The following KEL variants were observed in gnomAD, a reference collection of about 807,000 sequenced individuals.
KEL encodes the protein kell blood group glycoprotein.
In KEL, 96 loss-of-function variants were observed where a neutral mutation model predicts 99.5. That is an observed-to-expected ratio of 0.97 (90% CI 0.82 to 1.14). The LOEUF is 1.14. Among genes scored for constraint, KEL ranks in the 50% most tolerant of loss-of-function variants. The pLI, the probability that KEL is intolerant of heterozygous loss-of-function variation, is 0.00. For synonymous variants in KEL, 355 were observed against 354.8 expected (o/e 1.00, Z -0.01); for missense variants, 926 against 924.2 (o/e 1.00, Z -0.03).
At chr7:142,959,453 C>G (rs1018280331) in intron 4 of KEL, among the ~76,000 whole-genome samples, 6 of 151,704 alleles carry the variant, frequency 4.0e-5, no homozygotes, top group Admixed American at 2.6e-4. Context: ...AAGGAAAAGA[C>G]AGGGAAGAAA....
At chr7:142,942,790 T>C in intron 17 of KEL, 85 bp downstream of exon 17, 1 of 1,517,206 alleles carries the variant, frequency 6.6e-7, no homozygotes, top group Non-Finnish European at 9.2e-7. Context: ...ACTGTACTTG[T>C]GTCAGGAATG....
intron 9 of KEL, 94 bp from the exon 10 acceptor site, chr7:142,952,732 G>A (rs1796720877): frequency 3.6e-6 from 5 of 1,404,052 alleles, no homozygotes; most frequent in Non-Finnish European, 4.0e-6. Context: ...TGATACTCGT[G>A]AAGGCAGCTC....
In KEL at chr7:142,954,280, G is replaced by A. The variant is rs1471474036; in HGVS notation, c.828C>T (p.Ile276=). 3.7e-6 allele frequency: 6 copies of A among 1,614,016 alleles called. No homozygotes were observed. The highest frequency in any genetic ancestry group is 5.1e-6 in the Non-Finnish European group (6 of 1,180,014). The change falls in exon 8 of 19, where the codon ATC becomes ATT. Residue 276 remains isoleucine (I), a synonymous_variant. Coordinates refer to ENST00000355265, the MANE Select transcript of KEL (RefSeq NM_000420.3). ...SKVQEHSSLS[I]SITSRLFQFL... ...ACTGGAACAGCCGTGAAGTGATGGA[G>A]ATTGACAAGGAAGAGTGTTCTTGCA...
intron 4 of KEL, among the ~76,000 whole-genome samples, chr7:142,959,662 T>C (rs556586284): frequency 6.6e-5 from 10 of 152,292 alleles, no homozygotes; most frequent in African/African-American, 1.9e-4. Context: ...CCTCATCCAT[T>C]GATCCCAGGA....
At position 142,941,317 on chromosome 7, in the gene KEL, C is replaced by A; in HGVS notation, c.2134G>T (p.Ala712Ser). The A allele has an allele frequency of 6.2e-7, 1 of 1,614,048 alleles. No individual in the cohort carries two copies. Among genetic ancestry groups the A allele is most frequent in the Non-Finnish European group, 8.5e-7 (1 of 1,180,010 alleles). The change falls in exon 19 of 19, where the codon GCC becomes TCC. Residue 712 changes from alanine (A) to serine (S), a missense_variant. Ala to Ser is a moderately conservative substitution (Grantham distance 99). Transcript: ENST00000355265. ...HGPLSSTPAFARYFRCARGAL... is the reference protein window; with the variant it reads ...HGPLSSTPAFSRYFRCARGAL... The stretch of plus-strand genomic sequence containing the variant: ...CCACGTGCACAGCGGAAATACCTGG[C>A]AAAGGCTGGGGTGCTGCTGAGGGGC...
At chr7:142,961,599 C>T in intron 2 of KEL, 98 bp from the exon 3 acceptor site, 1 of 1,419,404 alleles carries the variant, frequency 7.0e-7, no homozygotes, top group Non-Finnish European at 9.9e-7. Flanking sequence ...TGCTACAGTC[C>T]CTTTATACAG....
At chr7:142,949,698 C>A (rs1008482522) in intron 10 of KEL, among the ~76,000 whole-genome samples, 1 of 152,146 alleles carries the variant, frequency 6.6e-6, no homozygotes, top group Non-Finnish European at 1.5e-5. Context: ...AATAACCTGA[C>A]CCGATGCCCT....
intron 9 of KEL, chr7:142,953,432 C>A (rs1336768797): frequency 2.0e-6 from 2 of 975,906 alleles, no homozygotes; most frequent in African/African-American, 3.5e-5. Flanking sequence ...GCCCACAGTC[C>A]TCAGCTGCTA....
At position 142,961,045 on chromosome 7, in the gene KEL, T is replaced by C; in HGVS notation, c.283A>G (p.Thr95Ala). Reference sequence around the variant, plus strand: ...AAGTCGGTGCAGGGGGCCACACTTGTGTTCCCAGAGGCCAGGTAATGATCC... The same window carrying C: ...AAGTCGGTGCAGGGGGCCACACTTGCGTTCCCAGAGGCCAGGTAATGATCC... Reference protein sequence around the residue: ...LRDHYLASGNTSVAPCTDFFS... With the variant: ...LRDHYLASGNASVAPCTDFFS... Residue 95 changes from threonine (T) to alanine (A), a missense_variant, in exon 4 of 19, where the codon ACA becomes GCA. Thr to Ala is a moderately conservative substitution (Grantham distance 58). Transcript: ENST00000355265. 1 of 1,614,186 alleles carries C rather than the reference T, an allele frequency of 6.2e-7. No homozygotes were observed. The highest frequency in any genetic ancestry group is 8.5e-7 in the Non-Finnish European group (1 of 1,180,028).
At position 142,943,521 on chromosome 7, in the gene KEL, G is replaced by A; in HGVS notation, c.1668C>T (p.Leu556=). The change falls in exon 15 of 19, where the codon CTC becomes CTT. Residue 556 remains leucine (L), a synonymous_variant. Transcript: ENST00000355265. The part of the protein sequence containing the change: ...SDHVVVFPAG[L]LQPPFFHPGY... ...CAGGGTGGAAGAATGGGGGTTGGAG[G>A]AGTCCAGCTGGAAAGACTACCACAT... 1.2e-6 allele frequency: 2 copies of A among 1,614,156 alleles called. No homozygotes were observed. The highest frequency in any genetic ancestry group is 1.7e-6 in the Non-Finnish European group (2 of 1,179,976).
intron 10 of KEL, among the ~76,000 whole-genome samples, chr7:142,949,801 T>C (rs145755643): frequency 0.014 from 2,124 of 152,344 alleles, 24 homozygotes; most frequent in Non-Finnish European, 0.022. Context: ...TAAATTGAGA[T>C]GTTGGGCTGA....
chr7:142,958,038 C>T (rs539046873), intron 5 of KEL, 65 bp from the exon 6 acceptor site: 13 of 1,570,194 alleles, frequency 8.3e-6, no homozygotes, highest in East Asian at 4.6e-5. Flanking sequence ...TTGTCTGGAT[C>T]GGCTCTTACA....
chr7:142,955,286 T>C (rs1222599467), intron 6 of KEL, among the ~76,000 whole-genome samples: 4 of 152,282 alleles, frequency 2.6e-5, no homozygotes, highest in African/African-American at 2.4e-5. Context: ...GGACTTTTTT[T>C]CCCCAAAAAA....
intron 2 of KEL, 63 bp from the exon 3 acceptor site, chr7:142,961,564 A>G: frequency 6.6e-7 from 1 of 1,523,128 alleles, no homozygotes; most frequent in Non-Finnish European, 9.0e-7. Context: ...GATGGGAAGA[A>G]GAGGAGAGAG....
chr7:142,953,536 C>G, intron 9 of KEL: 2 of 386,520 alleles, frequency 5.2e-6, no homozygotes, highest in Non-Finnish European at 7.1e-6. Flanking sequence ...GTTCTACTCT[C>G]AGGAAACCCC....
At chr7:142,951,618 A>T (rs766584162) in intron 10 of KEL, among the ~76,000 whole-genome samples, 1 of 152,196 alleles carries the variant, frequency 6.6e-6, no homozygotes, top group African/African-American at 2.4e-5. Flanking sequence ...AATTGTAAAG[A>T]TTAAATCTAA....
At chr7:142,953,322 A>C in intron 9 of KEL, 2 of 981,410 alleles carry the variant, frequency 2.0e-6, no homozygotes, top group Non-Finnish European at 2.4e-6. Context: ...CAGCATCTTC[A>C]CACCACACCT....
At chr7:142,947,914 G>C (rs1796576211) in intron 10 of KEL, among the ~76,000 whole-genome samples, 1 of 152,146 alleles carries the variant, frequency 6.6e-6, no homozygotes, top group South Asian at 2.1e-4. Flanking sequence ...AAGAAGTCCG[G>C]GTCTGAAAGC....
chr7:142,958,195 G>A, intron 5 of KEL, 109 bp downstream of exon 5: 1 of 1,505,246 alleles, frequency 6.6e-7, no homozygotes, highest in South Asian at 1.1e-5. Flanking sequence ...AGAAATTGGG[G>A]GGCCCTAGGA....
Sources: gnomAD v4.1 joint callset for allele counts (sites outside exome capture counted in the v4.1 genomes callset) on GRCh38, gnomAD v4.1.1 for gene constraint, MANE v1.5 for transcripts, NCBI Gene and HGNC (gene_info 2026-07-23, HGNC 2026-07-21) for gene names.